The following TEX11 variants were observed in gnomAD, a reference collection of about 807,000 sequenced individuals.
TEX11 encodes the protein testis-expressed protein 11.
In TEX11, 7 loss-of-function variants were observed where a neutral mutation model predicts 84.4. The ratio of observed to expected loss-of-function variants is 0.08; its 90% confidence interval spans 0.05 to 0.16. The LOEUF (loss-of-function observed/expected upper bound fraction) is 0.16, where lower values mean the gene tolerates loss of function less well. Ranked by LOEUF, TEX11 falls within the 10% of genes least tolerant of loss-of-function variation. The pLI is 1.00. For synonymous variants in TEX11, 264 were observed against 222.8 expected (o/e 1.18, Z -1.64); for missense variants, 551 against 660.5 (o/e 0.83, Z 1.82).
chrX:70,895,426 T>C (rs1034326659), intron 2 of TEX11, among the ~76,000 whole-genome samples: 1 of 111,589 alleles, frequency 9.0e-6, no homozygotes, highest in African/African-American at 3.3e-5. Flanking sequence ...AGAATAAATA[T>C]CATGAAAATG....
At chrX:70,817,840 C>A (rs999529244) in intron 8 of TEX11, among the ~76,000 whole-genome samples, 1 of 111,386 alleles carries the variant, frequency 9.0e-6, no homozygotes, top group Non-Finnish European at 1.9e-5. Context: ...ACAAAATAAG[C>A]CTGTAATATT....
At chrX:70,716,585 A>C (rs1208297737) in intron 13 of TEX11, among the ~76,000 whole-genome samples, 2 of 112,747 alleles carry the variant, frequency 1.8e-5, no homozygotes, top group Non-Finnish European at 3.8e-5. Flanking sequence ...AGGACCCTCC[A>C]AACCATTCGC....
intron 9 of TEX11, among the ~76,000 whole-genome samples, chrX:70,755,760 C>T (rs192840597): frequency 1.8e-5 from 2 of 112,167 alleles, no homozygotes; most frequent in African/African-American, 6.5e-5. Context: ...TGGATGCAGC[C>T]CACGGAGGGC....
intron 9 of TEX11, among the ~76,000 whole-genome samples, chrX:70,772,334 G>A (rs1239157898): frequency 8.9e-6 from 1 of 111,861 alleles, no homozygotes; most frequent in East Asian, 2.8e-4. Context: ...CAGCACTTTG[G>A]GAGGCTGTGG....
chrX:70,876,908 AAAACAAAC>A (rs767494813), intron 3 of TEX11, among the ~76,000 whole-genome samples: 1 of 110,384 alleles, frequency 9.1e-6, no homozygotes, highest in Non-Finnish European at 1.9e-5. Context: ...ACTGTCTCAA[AAAACAAAC>A]AAACAAACAA....
intron 9 of TEX11, among the ~76,000 whole-genome samples, chrX:70,748,030 C>A (rs745919175): frequency 3.0e-4 from 33 of 109,105 alleles, no homozygotes; most frequent in African/African-American, 1.1e-3. Context: ...AGAAACGATA[C>A]AAATCTGAGG....
chrX:70,576,293 C>T (rs933507197), intron 25 of TEX11, among the ~76,000 whole-genome samples: 1 of 111,746 alleles, frequency 8.9e-6, no homozygotes, highest in Admixed American at 9.6e-5. Flanking sequence ...TGTACTTTCC[C>T]TCAATTTATC....
chrX:70,820,377 C>G (rs2091312421), intron 8 of TEX11, among the ~76,000 whole-genome samples: 1 of 111,830 alleles, frequency 8.9e-6, no homozygotes, highest in Non-Finnish European at 1.9e-5. Flanking sequence ...GAAATTGGAC[C>G]CTTATATCAC....
intron 9 of TEX11, among the ~76,000 whole-genome samples, chrX:70,754,770 A>AG (rs2090855793): frequency 9.0e-6 from 1 of 110,777 alleles, no homozygotes; most frequent in Non-Finnish European, 1.9e-5. Flanking sequence ...AGAAAGAGAG[A>AG]AAGAGAGAGA....
intron 9 of TEX11, among the ~76,000 whole-genome samples, chrX:70,777,978 T>A (rs1448818389): frequency 1.8e-5 from 2 of 111,906 alleles, no homozygotes; most frequent in African/African-American, 6.5e-5. Flanking sequence ...AAACAACAAA[T>A]CTATTTCCTT....
intron 16 of TEX11, 127 bp downstream of exon 16, chrX:70,670,250 T>G: frequency 1.4e-6 from 1 of 703,541 alleles, no homozygotes; most frequent in Non-Finnish European, 2.0e-6. Flanking sequence ...CAATTTGACC[T>G]TGTTCTATAT....
At chrX:70,582,810 A>G (rs1335441327) in intron 25 of TEX11, among the ~76,000 whole-genome samples, 1 of 107,240 alleles carries the variant, frequency 9.3e-6, no homozygotes, top group African/African-American at 3.4e-5. Flanking sequence ...CAGTGGCACA[A>G]TCTTGGCTCA....
chrX:70,545,421 G>C lies in TEX11; in HGVS notation c.2520+6705C>G, dbSNP rs1461529288. On this transcript the variant is annotated intron_variant, in intron 28 of 29. Transcript: ENST00000374333. ...ATATTTTAACCTAGGCCTACCCAGG[G>C]CCAGGATCATCAATATCACTGTCTC... Among the ~76,000 whole-genome samples, 3 of 110,850 alleles carry C rather than the reference G, an allele frequency of 2.7e-5. No homozygotes were observed. The Admixed American group carries it at 2.9e-4, about 11-fold the overall frequency.
chrX:70,580,443 A>G (rs960955428), intron 25 of TEX11, among the ~76,000 whole-genome samples: 1 of 112,400 alleles, frequency 8.9e-6, no homozygotes, highest in Admixed American at 9.4e-5. Context: ...CTAAAAGAGT[A>G]TAATTGGATT....
At chrX:70,836,336 A>G (rs2091405349) in intron 7 of TEX11, among the ~76,000 whole-genome samples, 1 of 111,331 alleles carries the variant, frequency 9.0e-6, no homozygotes, top group African/African-American at 3.3e-5. Context: ...AATCAACTGG[A>G]CTTCATCAAA....
At chrX:70,788,975 G>T (rs368382138) in intron 9 of TEX11, among the ~76,000 whole-genome samples, 735 of 18,246 alleles carry the variant, frequency 0.04, 1 homozygote, top group African/African-American at 0.05. Flanking sequence ...TATATATATA[G>T]AGAGAGAGAG....
At chrX:70,549,276 T>C (rs2088180821) in intron 28 of TEX11, among the ~76,000 whole-genome samples, 1 of 111,443 alleles carries the variant, frequency 9.0e-6, no homozygotes, top group African/African-American at 3.3e-5. Flanking sequence ...AGGTAGTACA[T>C]ACTGTGGGCC....
intron 28 of TEX11, among the ~76,000 whole-genome samples, chrX:70,550,604 C>T (rs1462475760): frequency 3.6e-5 from 4 of 111,806 alleles, no homozygotes; most frequent in African/African-American, 1.3e-4. Context: ...ATAGACATTT[C>T]TCAAAAGAAG....
At chrX:70,791,449 T>G (rs2091117717) in intron 9 of TEX11, among the ~76,000 whole-genome samples, 2 of 112,040 alleles carry the variant, frequency 1.8e-5, no homozygotes, top group Non-Finnish European at 3.8e-5. Context: ...AGACAGATCA[T>G]CAAGGCAGAA....
Sources: gnomAD v4.1 joint callset for allele counts (sites outside exome capture counted in the v4.1 genomes callset) on GRCh38, gnomAD v4.1.1 for gene constraint, MANE v1.5 for transcripts, NCBI Gene and HGNC (gene_info 2026-07-23, HGNC 2026-07-21) for gene names.